The following MAST4 variants were observed in gnomAD, a reference collection of about 807,000 sequenced individuals.
The protein encoded by MAST4 is microtubule associated serine/threonine kinase family member 4.
A neutral mutation model predicts 162.7 loss-of-function variants in MAST4; 89 were observed. That is an observed-to-expected ratio of 0.55 (90% CI 0.46 to 0.65). The LOEUF is 0.65. Ranked by LOEUF, MAST4 falls within the 30% of genes least tolerant of loss-of-function variation. The probability of loss-of-function intolerance (pLI) is 0.00; values close to 1 mark genes in which losing one functional copy is unlikely to be tolerated. For synonymous variants in MAST4, 1,479 were observed against 1,361.1 expected, an observed-to-expected ratio of 1.09 and a Z score of -1.91; for missense variants, 3,153 against 3,374.0, an observed-to-expected ratio of 0.93 and a Z score of 1.62.
At chr5:66,758,884 A>C (rs1753702091) in intron 1 of MAST4, among the ~76,000 whole-genome samples, 1 of 152,200 alleles carries the variant, frequency 6.6e-6, no homozygotes, top group African/African-American at 2.4e-5. Context: ...ATGTAGGTGT[A>C]TATGAAAATT....
chr5:66,737,097 T>A (rs1203402857), intron 1 of MAST4, among the ~76,000 whole-genome samples: 1 of 152,132 alleles, frequency 6.6e-6, no homozygotes. Context: ...TTAAAAAAAG[T>A]TTTATCCCAG....
intron 2 of MAST4, among the ~76,000 whole-genome samples, chr5:66,781,092 C>T (rs1400523893): frequency 2.6e-5 from 4 of 152,188 alleles, no homozygotes; most frequent in African/African-American, 9.6e-5. Flanking sequence ...TCCATTCATC[C>T]CTCAATGAAT....
intron 1 of MAST4, among the ~76,000 whole-genome samples, chr5:66,599,918 G>GGTGTGTGTGTGTGT (rs58314259): frequency 1.9e-4 from 29 of 149,974 alleles, no homozygotes; most frequent in African/African-American, 5.1e-4. Context: ...TTTCTAAAGG[G>GGTGTGTGTGTGTGT]GTGTGTGTGT....
intron 3 of MAST4, among the ~76,000 whole-genome samples, chr5:66,810,117 G>A (rs543580981): frequency 2.0e-5 from 3 of 152,272 alleles, no homozygotes; most frequent in East Asian, 1.9e-4. Context: ...GTTCTGTGAC[G>A]TCCGGTGTGA....
intron 3 of MAST4, among the ~76,000 whole-genome samples, chr5:66,802,475 T>C (rs1169467558): frequency 1.3e-5 from 2 of 152,212 alleles, no homozygotes; most frequent in Non-Finnish European, 2.9e-5. Context: ...TTAAAAAAAC[T>C]ATAGCATTTC....
intron 28 of MAST4, 51 bp downstream of exon 28, chr5:67,162,839 T>C (rs1383541400): frequency 6.5e-7 from 1 of 1,539,168 alleles, no homozygotes; most frequent in African/African-American, 1.4e-5. Context: ...GGTAAAGTCA[T>C]GTGAGGTCCC....
intron 12 of MAST4, among the ~76,000 whole-genome samples, chr5:67,115,629 AC>A (rs1001115932): frequency 2.0e-5 from 3 of 152,208 alleles, no homozygotes; most frequent in Non-Finnish European, 4.4e-5. Flanking sequence ...TACCATCTTT[AC>A]CTTTTTGAAT....
intron 1 of MAST4, among the ~76,000 whole-genome samples, chr5:66,711,361 T>G (rs1750485006): frequency 6.6e-6 from 1 of 152,226 alleles, no homozygotes; most frequent in African/African-American, 2.4e-5. Flanking sequence ...GGCTCATTCC[T>G]TTTGCAGGGT....
intron 3 of MAST4, among the ~76,000 whole-genome samples, chr5:66,879,976 G>A (rs2059066759): frequency 6.6e-6 from 1 of 152,108 alleles, no homozygotes; most frequent in African/African-American, 2.4e-5. Context: ...AATGAGTCCT[G>A]GAAAAGATTA....
rs564769167 is a variant in MAST4, at chr5:67,165,583, C to T, written c.6404C>T (p.Pro2135Leu). The change falls in exon 29 of 29, where the codon CCG becomes CTG. Residue 2135 changes from proline to leucine, a missense_variant. Pro to Leu is a moderately conservative substitution (Grantham distance 98). This residue lies in a region of MAST4 where 1,644 missense variants were observed against 1,495.0 expected (regional missense o/e 1.10). Coordinates refer to ENST00000403625, the MANE Select transcript of MAST4 (RefSeq NM_001164664.2). ...CAAAGGCATCCCAGCAGCATCCCTCCGCCCCCTCTGACGGCCAAAGACCTG... is the reference window on the plus strand; with the variant it reads ...CAAAGGCATCCCAGCAGCATCCCTCTGCCCCCTCTGACGGCCAAAGACCTG... ...PLQRHPSSIP[P>L]PPLTAKDLSS... The T allele has an allele frequency of 6.1e-5, 99 of 1,613,876 alleles. 2 individuals carry two copies. In the South Asian group the frequency reaches 9.8e-4, roughly 16 times the overall value.
At chr5:67,071,069 C>T (rs1485602508) in intron 5 of MAST4, among the ~76,000 whole-genome samples, 2 of 151,982 alleles carry the variant, frequency 1.3e-5, no homozygotes, top group Non-Finnish European at 2.9e-5. Context: ...GTGGGGGAGC[C>T]AAATTAATGG....
intron 1 of MAST4, among the ~76,000 whole-genome samples, chr5:66,739,209 C>T (rs1203703426): frequency 1.3e-5 from 2 of 152,094 alleles, no homozygotes; most frequent in Non-Finnish European, 2.9e-5. Context: ...GCACATAGTT[C>T]TCATTTTTAG....
intron 3 of MAST4, among the ~76,000 whole-genome samples, chr5:66,820,257 T>C (rs1265172976): frequency 6.6e-6 from 1 of 152,224 alleles, no homozygotes; most frequent in Non-Finnish European, 1.5e-5. Context: ...GTATATCTTT[T>C]CACTTTAGGG....
intron 4 of MAST4, among the ~76,000 whole-genome samples, chr5:67,024,354 T>C (rs2548591): frequency 0.19 from 26,460 of 140,976 alleles, 2,547 homozygotes; most frequent in African/African-American, 0.29. Context: ...CACACACACA[T>C]ACATATAGAT....
intron 1 of MAST4, among the ~76,000 whole-genome samples, chr5:66,648,907 G>A: frequency 6.6e-6 from 1 of 152,160 alleles, no homozygotes; most frequent in South Asian, 2.1e-4. Flanking sequence ...ATGAATTGGG[G>A]CTGTTTAAAT....
intron 3 of MAST4, among the ~76,000 whole-genome samples, chr5:66,842,069 A>G (rs968360283): frequency 3.9e-5 from 6 of 152,176 alleles, no homozygotes; most frequent in Admixed American, 6.5e-5. Context: ...AGGTCATTCA[A>G]ATAGTACTTG....
chr5:66,629,455 T>C lies in MAST4; in HGVS notation c.363+32437T>C, dbSNP rs1311704112. ...TCCATTCCCTGCTGTCCTGCTCTGC[T>C]CAAGTTTTAGCAAATTACTGAGAAC... On this transcript the variant is annotated intron_variant, in intron 1 of 28. Coordinates refer to ENST00000403625, the MANE Select transcript of MAST4 (RefSeq NM_001164664.2). Among the ~76,000 whole-genome samples, 3 of 152,208 alleles carry C rather than the reference T, an allele frequency of 2.0e-5. No individual in the cohort carries two copies. The East Asian group carries it at 5.8e-4, about 29-fold the overall frequency.
chr5:66,716,470 C>T (rs1406219387), intron 1 of MAST4, among the ~76,000 whole-genome samples: 8 of 151,736 alleles, frequency 5.3e-5, no homozygotes, highest in Admixed American at 2.0e-4. Flanking sequence ...GTCAGCCTCC[C>T]GAGTAGCTGG....
At chr5:67,078,911 A>ATATAT in intron 5 of MAST4, among the ~76,000 whole-genome samples, 1 of 38,104 alleles carries the variant, frequency 2.6e-5, no homozygotes, top group Non-Finnish European at 4.4e-5. Flanking sequence ...TTTTTATATA[A>ATATAT]ATATATATAT....
Sources: gnomAD v4.1 joint callset for allele counts (sites outside exome capture counted in the v4.1 genomes callset) on GRCh38, gnomAD v4.1.1 for gene constraint, gnomAD v4.1.1 regional missense constraint, MANE v1.5 for transcripts, NCBI Gene and HGNC (gene_info 2026-07-23, HGNC 2026-07-21) for gene names.